Variants in ITIH4 observed in about 807,000 individuals in gnomAD.
ITIH4 encodes inter-alpha-trypsin inhibitor heavy chain 4, also known as inter-alpha-trypsin inhibitor heavy chain H4.
In ITIH4, 79 loss-of-function variants were observed where a neutral mutation model predicts 111.8. The ratio of observed to expected loss-of-function variants is 0.71; its 90% confidence interval spans 0.59 to 0.85. The LOEUF (loss-of-function observed/expected upper bound fraction) is 0.85. Ranked by LOEUF, ITIH4 falls within the 40% of genes least tolerant of loss-of-function variation. The pLI is 0.00. For synonymous variants in ITIH4, 472 were observed against 468.3 expected (o/e 1.01, Z -0.10); for missense variants, 1,065 against 1,195.8 (o/e 0.89, Z 1.61).
At chr3:52,820,237 C>G (rs1700355314) in intron 14 of ITIH4, 54 bp downstream of exon 14, 2 of 1,612,430 alleles carry the variant, frequency 1.2e-6, no homozygotes, top group African/African-American at 2.7e-5. Flanking sequence ...TGCCCTGGAC[C>G]CTGTGTTAGC....
intron 2 of ITIH4, among the ~76,000 whole-genome samples, 189 bp downstream of exon 2, chr3:52,828,930 G>A (rs1004119277): frequency 6.6e-6 from 1 of 152,188 alleles, no homozygotes; most frequent in African/African-American, 2.4e-5. Flanking sequence ...TGGAGGGAAG[G>A]ACGGGGGCAT....
At chr3:52,819,307 G>A (rs550431815) in intron 17 of ITIH4, 86 bp downstream of exon 17, 13 of 1,519,104 alleles carry the variant, frequency 8.6e-6, no homozygotes, top group Middle Eastern at 4.1e-4. Context: ...CCTGTGGTGC[G>A]TGCTTTACCC....
intron 17 of ITIH4, 194 bp downstream of exon 17, chr3:52,819,199 G>A: frequency 1.6e-6 from 1 of 608,696 alleles, no homozygotes; most frequent in Admixed American, 3.0e-5. Flanking sequence ...AGCCTCCTTA[G>A]GAAATGCACT....
chr3:52,823,707 G>A lies in ITIH4; in HGVS notation c.1388C>T (p.Thr463Ile). The change falls in exon 11 of 24, where the codon ACA becomes ATA. Residue 463 changes from threonine to isoleucine, a missense_variant. Thr to Ile is a moderately conservative substitution (Grantham distance 89). Coordinates refer to ENST00000266041, the MANE Select transcript of ITIH4 (RefSeq NM_002218.5). ...GCTTGGGTACTCGAAGGTCACTGCTGTCAGCAGTGGGTTGGCCACTTCCTG... is the reference window on the plus strand; with the variant it reads ...GCTTGGGTACTCGAAGGTCACTGCTATCAGCAGTGGGTTGGCCACTTCCTG... ...FYQEVANPLL[T>I]AVTFEYPSNA... 6.2e-7 allele frequency: 1 copy of A among 1,614,196 alleles called. No homozygotes were observed. The highest frequency in any genetic ancestry group is 8.5e-7 in the Non-Finnish European group (1 of 1,180,040).
At chr3:52,825,859 C>G (rs1453846497) in intron 6 of ITIH4, 27 bp downstream of exon 6, 1 of 1,609,046 alleles carries the variant, frequency 6.2e-7, no homozygotes, top group Non-Finnish European at 8.5e-7. Context: ...TTCTAGGCTG[C>G]TCTGCTCTTG....
rs1414876791 is a variant in ITIH4, at chr3:52,823,931, C to T, written c.1245G>A (p.Leu415=). The change falls in exon 10 of 24, where the codon CTG becomes CTA. Residue 415 remains leucine (L), a synonymous_variant. Coordinates refer to ENST00000266041, the MANE Select transcript of ITIH4 (RefSeq NM_002218.5). The part of the protein sequence containing the change: ...AVSGRYSLFC[L]GFGFDVSYAF... ...CATAGCTGACGTCGAAACCGAAGCC[C>T]AGGCAGAAGAGGCTGTACCGGCCAC... 6.2e-7 allele frequency: 1 copy of T among 1,607,840 alleles called. No homozygotes were observed. Among genetic ancestry groups the T allele is most frequent in the East Asian group, 2.2e-5 (1 of 44,886 alleles).
At chr3:52,815,314 G>T (rs1434457639) in intron 21 of ITIH4, among the ~76,000 whole-genome samples, 1 of 150,128 alleles carries the variant, frequency 6.7e-6, no homozygotes, top group Non-Finnish European at 1.5e-5. Flanking sequence ...TGCAATCTCA[G>T]CTCACTGCAA....
rs1004197840 is a variant in ITIH4, at chr3:52,826,737, C to T, written c.519+54G>A. On this transcript the variant is annotated intron_variant, in intron 4 of 23. Transcript: ENST00000266041. ...CTCAGGGACAAAGAGGGGCCGCCCT[C>T]AGCAGGGCAAGGGTCATGCAGGAGG... is the stretch of plus-strand genomic sequence containing the variant. 1.2e-5 allele frequency: 19 copies of T among 1,611,042 alleles called. No homozygotes were observed. In the African/African-American group the frequency reaches 2.4e-4, roughly 20 times the overall value.
In ITIH4 at chr3:52,829,101, G is replaced by A. The variant is rs1700528186; in HGVS notation, c.251+18C>T. Reference sequence around the variant, plus strand: ...ACTGGGGGGTGTGGAGAGGGGAGGAGGGTGGGAAGGCACCTACATGGAGAA... The same window carrying A: ...ACTGGGGGGTGTGGAGAGGGGAGGAAGGTGGGAAGGCACCTACATGGAGAA... On this transcript the variant is annotated intron_variant, in intron 2 of 23. Transcript: ENST00000266041. 6.3e-7 allele frequency: 1 copy of A among 1,593,734 alleles called. No individual in the cohort carries two copies. The highest frequency in any genetic ancestry group is 8.6e-7 in the Non-Finnish European group (1 of 1,165,530).
At position 52,820,150 on chromosome 3, in the gene ITIH4, A is replaced by T. The variant is rs1010418519; in HGVS notation, c.1861+141T>A. On this transcript the variant is annotated intron_variant, in intron 14 of 23. Transcript: ENST00000266041. ...GCACCAGCATGCTGGGTCAGATTACACTGCCTCCTGGCAGCAGGGATGGGC... is the reference window on the plus strand; with the variant it reads ...GCACCAGCATGCTGGGTCAGATTACTCTGCCTCCTGGCAGCAGGGATGGGC... The T allele has an allele frequency of 2.2e-6, 3 of 1,334,056 alleles. No homozygotes were observed. The East Asian group carries it at 6.9e-5, about 31-fold the overall frequency. The allele number at this position is 1,334,056 out of a possible 1,614,324, so 82.6% of individuals were successfully genotyped here.
chr3:52,824,444 T>C lies in ITIH4; in HGVS notation c.998A>G (p.Asn333Ser). 1 of 1,614,124 alleles carries C rather than the reference T, an allele frequency of 6.2e-7. No individual in the cohort carries two copies. The highest frequency in any genetic ancestry group is 8.5e-7 in the Non-Finnish European group (1 of 1,180,012). ...RPSLVPASAE[N>S]VNKARSFAAG... ...AGCAAAGCTCCTGGCCTTGTTCACG[T>C]TCTCGGCTGAGGCTGGCACCAGTGA... Residue 333 changes from asparagine to serine, a missense_variant, in exon 8 of 24, where the codon AAC (asparagine) becomes AGC (serine). By Grantham distance (46) the Asn-to-Ser change is conservative. Coordinates refer to ENST00000266041, the MANE Select transcript of ITIH4 (RefSeq NM_002218.5). This position sits in a 1 kb window ranked among gnomAD's most constrained non-coding sequence, Gnocchi z 4.3.
At position 52,824,443 on chromosome 3, in the gene ITIH4, G is replaced by T; in HGVS notation, c.999C>A (p.Asn333Lys). The change falls in exon 8 of 24, where the codon AAC becomes AAA. Residue 333 changes from asparagine (N) to lysine (K), a missense_variant. Physicochemically the swap from Asn to Lys is moderately conservative, Grantham distance 94. Coordinates refer to ENST00000266041, the MANE Select transcript of ITIH4 (RefSeq NM_002218.5). The surrounding 1 kb of genome is among the most constrained non-coding windows in gnomAD (Gnocchi z 4.3). ...RPSLVPASAE[N>K]VNKARSFAAG... ...CAGCAAAGCTCCTGGCCTTGTTCAC[G>T]TTCTCGGCTGAGGCTGGCACCAGTG... 1 of 1,614,176 alleles carries T rather than the reference G, an allele frequency of 6.2e-7. No individual in the cohort carries two copies. The highest frequency in any genetic ancestry group is 8.5e-7 in the Non-Finnish European group (1 of 1,180,024).
At chr3:52,829,300 G>C (rs1700532887) in intron 1 of ITIH4, 21 bp from the exon 2 acceptor site, 3 of 1,589,220 alleles carry the variant, frequency 1.9e-6, no homozygotes, top group Non-Finnish European at 2.6e-6. Context: ...AAAGAAGAAG[G>C]GGGTTGCAGG....
chr3:52,830,663 G>A lies in ITIH4; in HGVS notation c.-21C>T, dbSNP rs996048501. ...TTCATCGTGGCTCCAGTGTCTGCCAGGAGGCTTCTGAACTCGACAGCAAGT... is the reference window on the plus strand; with the variant it reads ...TTCATCGTGGCTCCAGTGTCTGCCAAGAGGCTTCTGAACTCGACAGCAAGT... On this transcript the variant is annotated 5_prime_UTR_variant, in exon 1 of 24. Transcript: ENST00000266041. 9 of 1,586,384 alleles carry A rather than the reference G, an allele frequency of 5.7e-6. No individual in the cohort carries two copies. The highest frequency in any genetic ancestry group is 7.7e-6 in the Non-Finnish European group (9 of 1,162,722).
intron 11 of ITIH4, among the ~76,000 whole-genome samples, chr3:52,823,058 G>C (rs1268690226): frequency 1.3e-5 from 2 of 152,174 alleles, no homozygotes; most frequent in African/African-American, 2.4e-5. Context: ...CCTGAAGAAG[G>C]CCCTGCCGCA....
rs184922694 is a variant in ITIH4, at chr3:52,815,810, T to C, written c.2471+1074A>G. 7.4e-3 allele frequency among the ~76,000 whole-genome samples: 1,121 copies of C among 151,786 alleles called. 117 individuals are homozygous for C. In the South Asian group the frequency reaches 0.21, roughly 28 times the overall value. On this transcript the variant is annotated intron_variant, in intron 21 of 23. Transcript: ENST00000266041. ...CAGCTTCAAGCAATTCTCAGCCTCCTGAGTAGCTGGGATTACAGGTGCCCG... is the reference window on the plus strand; with the variant it reads ...CAGCTTCAAGCAATTCTCAGCCTCCCGAGTAGCTGGGATTACAGGTGCCCG...
intron 21 of ITIH4, among the ~76,000 whole-genome samples, chr3:52,815,673 C>G (rs932074863): frequency 6.6e-6 from 1 of 151,872 alleles, no homozygotes; most frequent in African/African-American, 2.4e-5. Context: ...TACCAGATAG[C>G]AAGGAATTTT....
At chr3:52,821,988 T>C (rs950908213) in intron 11 of ITIH4, among the ~76,000 whole-genome samples, 1 of 152,248 alleles carries the variant, frequency 6.6e-6, no homozygotes, top group Non-Finnish European at 1.5e-5. Flanking sequence ...ATTTAATTGA[T>C]ATTTTTCCTT....
chr3:52,829,875 C>G (rs1198334716), intron 1 of ITIH4: 2 of 176,034 alleles, frequency 1.1e-5, no homozygotes, highest in African/African-American at 4.8e-5. Flanking sequence ...GGACCCTCCC[C>G]AACTCATCCC....
Sources: allele counts gnomAD v4.1 joint callset (sites outside exome capture counted in the v4.1 genomes callset), GRCh38; gene constraint gnomAD v4.1.1; non-coding constraint Gnocchi (gnomAD v3.1); transcripts MANE v1.5; gene names NCBI Gene and HGNC (gene_info 2026-07-23, HGNC 2026-07-21).